SOCS6: variants seen among roughly 807,000 people sequenced by gnomAD.
SOCS6 encodes suppressor of cytokine signaling 6, also known as STAT induced STAT inhibitor-4.
Under a neutral mutation model 27.7 loss-of-function variants are expected in SOCS6, and 5 were observed. The ratio of observed to expected loss-of-function variants is 0.18; its 90% CI spans 0.09 to 0.38. The LOEUF is 0.38. Ranked by LOEUF, SOCS6 falls within the 10% of genes least tolerant of loss-of-function variation. The pLI is 1.00. For synonymous variants in SOCS6, 271 were observed against 260.0 expected, an observed-to-expected ratio of 1.04 and a Z score of -0.41; for missense variants, 595 against 688.1, an observed-to-expected ratio of 0.86 and a Z score of 1.51.
At chr18:70,317,898 G>A (rs573143820) in intron 1 of SOCS6, among the ~76,000 whole-genome samples, 5 of 152,280 alleles carry the variant, frequency 3.3e-5, no homozygotes, top group African/African-American at 7.2e-5. Context: ...CCAGGTTGGT[G>A]TGTGGGTGTG....
rs181580426 is a variant in SOCS6, at chr18:70,293,657, A to G, written c.-127+4567A>G. On this transcript the variant is annotated intron_variant, in intron 1 of 1. Coordinates refer to ENST00000397942, the MANE Select transcript of SOCS6 (RefSeq NM_004232.4). ...GCCCTCCATGCTAACTAAGGAAGAC[A>G]GTCTCTCATGGGGATGCAGATCTAG... Among the ~76,000 whole-genome samples the G allele has an allele frequency of 1.8e-3, 271 of 152,294 alleles. 4 individuals carry two copies. Among genetic ancestry groups the G allele is most frequent in the Non-Finnish European group, 2.2e-4 (15 of 68,022 alleles).
intron 1 of SOCS6, among the ~76,000 whole-genome samples, chr18:70,298,767 T>C (rs2062335370): frequency 6.6e-6 from 1 of 152,184 alleles, no homozygotes; most frequent in Non-Finnish European, 1.5e-5. Flanking sequence ...GTGGTAAAGA[T>C]AAAAGGCTGA....
intron 1 of SOCS6, among the ~76,000 whole-genome samples, chr18:70,302,175 G>T (rs2062351024): frequency 1.3e-5 from 2 of 152,146 alleles, no homozygotes; most frequent in Non-Finnish European, 2.9e-5. Context: ...GACGGTGGGG[G>T]CCCTTGAGCA....
At chr18:70,316,005 C>T (rs532592522) in intron 1 of SOCS6, among the ~76,000 whole-genome samples, 2 of 152,080 alleles carry the variant, frequency 1.3e-5, no homozygotes, top group Admixed American at 1.3e-4. Flanking sequence ...CTCCTGCCAC[C>T]ACGCCCAGCG....
Position 70,319,914 on chromosome 18 carries a change from AT to A in SOCS6, c.-126-4625del. On this transcript the variant is annotated intron_variant, in intron 1 of 1. Coordinates refer to ENST00000397942, the MANE Select transcript of SOCS6 (RefSeq NM_004232.4). ...GATTATTCCATGTGTTTTAACAGATATTTTCCCATAAATAATCAACATGAGT... is the reference window on the plus strand; with the variant it reads ...GATTATTCCATGTGTTTTAACAGATATTTCCCATAAATAATCAACATGAGT... Among the ~76,000 whole-genome samples the A allele has an allele frequency of 8.5e-5, 13 of 152,302 alleles. 1 individual carries two copies. The South Asian group carries it at 2.7e-3, about 32-fold the overall frequency.
At chr18:70,294,272 A>G (rs899516060) in intron 1 of SOCS6, among the ~76,000 whole-genome samples, 1 of 152,010 alleles carries the variant, frequency 6.6e-6, no homozygotes, top group African/African-American at 2.4e-5. Context: ...AATTATTACT[A>G]TTAATTCTTT....
At chr18:70,319,794 C>T (rs1281611447) in intron 1 of SOCS6, among the ~76,000 whole-genome samples, 2 of 152,032 alleles carry the variant, frequency 1.3e-5, no homozygotes, top group Admixed American at 1.3e-4. Context: ...CCAGGGGAAG[C>T]GCTTGTTTGA....
chr18:70,301,291 A>G (rs758315100), intron 1 of SOCS6, among the ~76,000 whole-genome samples: 17 of 152,248 alleles, frequency 1.1e-4, no homozygotes, highest in East Asian at 3.8e-4. Flanking sequence ...AGGTATTGCC[A>G]TAATGCAGGA....
At chr18:70,313,141 T>C (rs2062397326) in intron 1 of SOCS6, among the ~76,000 whole-genome samples, 1 of 152,208 alleles carries the variant, frequency 6.6e-6, no homozygotes, top group Admixed American at 6.6e-5. Context: ...GCCGCTTGAA[T>C]TTGTGTTCTC....
intron 1 of SOCS6, among the ~76,000 whole-genome samples, chr18:70,289,939 A>G (rs2062291487): frequency 6.6e-6 from 1 of 152,140 alleles, no homozygotes; most frequent in African/African-American, 2.4e-5. Context: ...AAAACTTGGG[A>G]TATGTGCAGT....
At chr18:70,301,964 CAGAGAAGATT>C (rs1162418075) in intron 1 of SOCS6, among the ~76,000 whole-genome samples, 1 of 152,160 alleles carries the variant, frequency 6.6e-6, no homozygotes, top group Non-Finnish European at 1.5e-5. Flanking sequence ...GTGTGGGTGT[CAGAGAAGATT>C]GGAGAGGAAT....
Position 70,325,457 on chromosome 18 carries a change from C to T in SOCS6, c.789C>T (p.Pro263=), listed in dbSNP as rs747854632. ...VPPQVGGRAF[P]EDESQVDQDL... ...CTCAAGTGGGAGGGCGCGCTTTCCC[C>T]GAGGATGAGAGTCAGGTAGACCAGG... is the stretch of plus-strand genomic sequence containing the variant. Residue 263 remains proline (P), a synonymous_variant, in exon 2 of 2, where the codon CCC becomes CCT. Coordinates refer to ENST00000397942, the MANE Select transcript of SOCS6 (RefSeq NM_004232.4). The surrounding 1 kb of genome is among the most constrained non-coding windows in gnomAD (Gnocchi z 6.3). 2.2e-5 allele frequency: 36 copies of T among 1,613,996 alleles called. No homozygotes were observed. Among genetic ancestry groups the T allele is most frequent in the Admixed American group, 1.8e-4 (11 of 60,000 alleles).
chr18:70,317,570 CA>C (rs1369799847), intron 1 of SOCS6, among the ~76,000 whole-genome samples: 1 of 146,410 alleles, frequency 6.8e-6, no homozygotes, highest in African/African-American at 2.4e-5. Flanking sequence ...CACACACACA[CA>C]CACACACACA....
chr18:70,297,943 A>T (rs1452071452), intron 1 of SOCS6, among the ~76,000 whole-genome samples: 3 of 152,210 alleles, frequency 2.0e-5, no homozygotes, highest in South Asian at 2.1e-4. Context: ...AAATTGAATG[A>T]CAAAATCTTG....
At position 70,324,932 on chromosome 18, in the gene SOCS6, AG is replaced by A. The variant is rs1911133312; in HGVS notation, c.266del (p.Gly89AlafsTer23). 1 of 1,614,078 alleles carries A rather than the reference AG, an allele frequency of 6.2e-7. No homozygotes were observed. The stretch of plus-strand genomic sequence containing the variant: ...GGCTTTCTGCAAAACAGAAGTCAAA[AG>A]GCAAGGCGGGCACACCCTCTGGGAG... ...RRLSAKQKSK[G>X]KAGTPSGSSA... On this transcript the variant is annotated frameshift_variant, in exon 2 of 2. Transcript: ENST00000397942. LOFTEE classifies it high-confidence loss of function.
At chr18:70,318,076 G>C (rs533231665) in intron 1 of SOCS6, among the ~76,000 whole-genome samples, 1 of 152,166 alleles carries the variant, frequency 6.6e-6, no homozygotes, top group South Asian at 2.1e-4. Flanking sequence ...ACTGGCCCTC[G>C]AACGCCTGAC....
chr18:70,297,346 G>C lies in SOCS6; in HGVS notation c.-127+8256G>C, dbSNP rs113566844. ...AAAGAAGTGTATGTTTAATCAGGAGGGTTTTTTTTTCCCTTCTTTTCAACA... is the reference window on the plus strand; with the variant it reads ...AAAGAAGTGTATGTTTAATCAGGAGCGTTTTTTTTTCCCTTCTTTTCAACA... On this transcript the variant is annotated intron_variant, in intron 1 of 1. Coordinates refer to ENST00000397942, the MANE Select transcript of SOCS6 (RefSeq NM_004232.4). Among the ~76,000 whole-genome samples the C allele has an allele frequency of 7.7e-5, 9 of 116,428 alleles. 1 individual carries two copies. Among genetic ancestry groups the C allele is most frequent in the African/African-American group, 2.9e-4 (9 of 30,674 alleles). The allele number at this position is 116,428 out of a possible 152,430, so 76.4% of individuals were successfully genotyped here.
chr18:70,294,089 T>TAAA (rs78322157), intron 1 of SOCS6, among the ~76,000 whole-genome samples: 113 of 137,310 alleles, frequency 8.2e-4, no homozygotes, highest in African/African-American at 2.7e-3. Context: ...AGACTCCGTT[T>TAAA]AAAAAAAAAA....
In SOCS6 at chr18:70,295,896, C is replaced by G. The variant is rs576987064; in HGVS notation, c.-127+6806C>G. 2.0e-5 allele frequency among the ~76,000 whole-genome samples: 3 copies of G among 152,262 alleles called. No individual in the cohort carries two copies. In the South Asian group the frequency reaches 6.2e-4, roughly 32 times the overall value. On this transcript the variant is annotated intron_variant, in intron 1 of 1. Coordinates refer to ENST00000397942, the MANE Select transcript of SOCS6 (RefSeq NM_004232.4). ...TATGCAGCCCTTCTTGCTGTTGATG[C>G]TTAAGGTTTTAATTTAATCCTGGGA...
Sources: allele counts gnomAD v4.1 joint callset (sites outside exome capture counted in the v4.1 genomes callset), GRCh38; gene constraint gnomAD v4.1.1; non-coding constraint Gnocchi (gnomAD v3.1); transcripts MANE v1.5; gene names NCBI Gene and HGNC (gene_info 2026-07-23, HGNC 2026-07-21).